PLXNA4: variants seen among roughly 807,000 people sequenced by gnomAD.
PLXNA4 encodes plexin-A4.
In PLXNA4, 44 loss-of-function variants were observed where a neutral mutation model predicts 191.8. The observed-to-expected ratio is 0.23, with a 90% CI of 0.18 to 0.29. The LOEUF is 0.29. PLXNA4 is among the 10% of genes least tolerant of loss of function. The probability of loss-of-function intolerance (pLI) is 1.00; values close to 1 mark genes in which losing one functional copy is unlikely to be tolerated. For missense variants in PLXNA4, 1,800 were observed against 2,488.8 expected, an observed-to-expected ratio of 0.72 and a Z score of 5.89; for synonymous variants, 1,082 against 1,009.5, an observed-to-expected ratio of 1.07 and a Z score of -1.36.
At chr7:132,152,816 T>C (rs1170400938) in intron 25 of PLXNA4, among the ~76,000 whole-genome samples, 1 of 152,128 alleles carries the variant, frequency 6.6e-6, no homozygotes, top group Non-Finnish European at 1.5e-5. Context: ...GCAGAGTGAC[T>C]CCTCACAAAC....
intron 3 of PLXNA4, among the ~76,000 whole-genome samples, chr7:132,472,473 A>G (rs1256591909): frequency 2.6e-5 from 4 of 152,226 alleles, no homozygotes; most frequent in Non-Finnish European, 5.9e-5. Flanking sequence ...GGGAGCTGAA[A>G]AGAGAGAGGT....
chr7:132,609,029 C>A (rs1302249559), intron 2 of PLXNA4, among the ~76,000 whole-genome samples: 1 of 152,150 alleles, frequency 6.6e-6, no homozygotes, highest in Non-Finnish European at 1.5e-5. Context: ...CCTACCCTGT[C>A]ACTACCTGCT....
chr7:132,228,383 T>C lies in PLXNA4; in HGVS notation c.1691A>G (p.His564Arg), dbSNP rs913413740. 5 of 1,614,036 alleles carry C rather than the reference T, an allele frequency of 3.1e-6. No individual in the cohort carries two copies. The highest frequency in any genetic ancestry group is 1.3e-5 in the African/African-American group (1 of 74,910). The change falls in exon 6 of 32, where the codon CAT becomes CGT. Residue 564 changes from histidine (H) to arginine (R), a missense_variant. Physicochemically the swap from His to Arg is conservative, Grantham distance 29 (BLOSUM62 0). Transcript: ENST00000321063. ...EMKQCVRLTVHPNNISVSQYN... is the reference protein window; with the variant it reads ...EMKQCVRLTVRPNNISVSQYN... ...CTGAGAGACGGAGATATTGTTGGGATGGACCGTCAGCCGGACACACTGCTT... is the reference window on the plus strand; with the variant it reads ...CTGAGAGACGGAGATATTGTTGGGACGGACCGTCAGCCGGACACACTGCTT...
rs552884032 is a variant in PLXNA4 at position 132,190,693 on chromosome 7, C to A, written c.2857-3086G>T. Among the ~76,000 whole-genome samples the A allele has an allele frequency of 2.0e-5, 3 of 152,320 alleles. No homozygotes were observed. The South Asian group carries it at 6.2e-4, about 32-fold the overall frequency. On this transcript the variant is annotated intron_variant, in intron 14 of 31. Transcript: ENST00000321063. ...TGGGGGCCTGGCTGCAAATGCAGAG[C>A]AGAGGCAGAGAGGCTTAAAGGAAGC...
chr7:132,444,788 G>C (rs1795833496), intron 3 of PLXNA4, among the ~76,000 whole-genome samples: 1 of 152,074 alleles, frequency 6.6e-6, no homozygotes, highest in Non-Finnish European at 1.5e-5. Context: ...GTCACCGTCA[G>C]TAGACCATGC....
chr7:132,507,694 G>C lies in PLXNA4; in HGVS notation c.1000C>G (p.Leu334Val). ...RTLGVHPDDD[L>V]LFTVFSKGQK... Reference sequence around the variant, plus strand: ...CCCTTGGAGAAGACGGTGAAGAGCAGGTCATCATCTGGATGGACTCCAAGG... The same window carrying C: ...CCCTTGGAGAAGACGGTGAAGAGCACGTCATCATCTGGATGGACTCCAAGG... Residue 334 changes from leucine (L) to valine (V), a missense_variant, in exon 2 of 32, where the codon CTG becomes GTG. By Grantham distance (32) the Leu-to-Val change is conservative (BLOSUM62 1). Coordinates refer to ENST00000321063, the MANE Select transcript of PLXNA4 (RefSeq NM_020911.2). 1.3e-5 allele frequency: 21 copies of C among 1,614,224 alleles called. No individual in the cohort carries two copies. Among genetic ancestry groups the C allele is most frequent in the Non-Finnish European group, 1.8e-5 (21 of 1,180,054 alleles).
At chr7:132,375,763 T>C (rs1804634753) in intron 3 of PLXNA4, among the ~76,000 whole-genome samples, 1 of 152,106 alleles carries the variant, frequency 6.6e-6, no homozygotes, top group African/African-American at 2.4e-5. Flanking sequence ...GAAGACACTG[T>C]AGGCAGAGCT....
chr7:132,242,554 T>C (rs903898796), intron 4 of PLXNA4, among the ~76,000 whole-genome samples: 1 of 152,100 alleles, frequency 6.6e-6, no homozygotes, highest in African/African-American at 2.4e-5. Context: ...TCTTATTCCC[T>C]TTATGCATCT....
rs933676605 is a variant in PLXNA4, at chr7:132,491,979, G to A, written c.1189-2505C>T. On this transcript the variant is annotated intron_variant, in intron 2 of 31. Transcript: ENST00000321063. The stretch of plus-strand genomic sequence containing the variant: ...GCCAGGCCTTCCAAGGGCAGCCTGG[G>A]GTGCTAGGGGTCCTCGTGGCCCTTG... 3.3e-5 allele frequency among the ~76,000 whole-genome samples: 5 copies of A among 152,300 alleles called. No homozygotes were observed. The South Asian group carries it at 8.3e-4, about 25-fold the overall frequency.
chr7:132,450,768 T>C (rs1038462833), intron 3 of PLXNA4, among the ~76,000 whole-genome samples: 1 of 152,176 alleles, frequency 6.6e-6, no homozygotes, highest in African/African-American at 2.4e-5. Context: ...TCAGCCCTCT[T>C]TCTCTCTGAG....
chr7:132,345,761 C>T lies in PLXNA4; in HGVS notation c.1372-47539G>A, dbSNP rs189726846. 1.5e-4 allele frequency among the ~76,000 whole-genome samples: 23 copies of T among 152,288 alleles called. 1 individual carries two copies. Among genetic ancestry groups the T allele is most frequent in the African/African-American group, 5.3e-4 (22 of 41,550 alleles). On this transcript the variant is annotated intron_variant, in intron 3 of 31. Transcript: ENST00000321063. ...CACTGGCAGAACAGTCCCAGCCTCA[C>T]GAAAGAGCCCAGCTGGACCATAAAT...
chr7:132,511,269 T>C (rs1316734399), intron 1 of PLXNA4, among the ~76,000 whole-genome samples: 4 of 152,090 alleles, frequency 2.6e-5, no homozygotes, highest in African/African-American at 9.7e-5. Flanking sequence ...CACTGTTCCC[T>C]GGGATCAGAA....
chr7:132,494,361 TG>T (rs1274493669), intron 2 of PLXNA4, among the ~76,000 whole-genome samples: 2 of 152,144 alleles, frequency 1.3e-5, no homozygotes, highest in African/African-American at 4.8e-5. Context: ...AAGTCTTGGG[TG>T]GGGGCTCAGA....
chr7:132,474,654 A>C (rs1026372835), intron 3 of PLXNA4, among the ~76,000 whole-genome samples: 1 of 152,150 alleles, frequency 6.6e-6, no homozygotes, highest in Non-Finnish European at 1.5e-5. Context: ...GCACGCACAC[A>C]CACACAATTA....
chr7:132,438,223 G>C (rs1795550706), intron 3 of PLXNA4, among the ~76,000 whole-genome samples: 1 of 152,216 alleles, frequency 6.6e-6, no homozygotes, highest in African/African-American at 2.4e-5. Flanking sequence ...ACCAGCTTTA[G>C]AGTATATGAC....
intron 11 of PLXNA4, 63 bp from the exon 12 acceptor site, chr7:132,202,899 CAG>C: frequency 7.0e-7 from 1 of 1,422,676 alleles, no homozygotes; most frequent in Non-Finnish European, 9.3e-7. Flanking sequence ...AGAAGGGGCC[CAG>C]AGAGAGACAA....
intron 1 of PLXNA4, among the ~76,000 whole-genome samples, chr7:132,524,538 T>A (rs1799321834): frequency 6.6e-6 from 1 of 152,164 alleles, no homozygotes; most frequent in South Asian, 2.1e-4. Context: ...CTGAAGGAAA[T>A]TAGGCTGAAA....
At chr7:132,198,344 T>A in intron 13 of PLXNA4, 141 bp downstream of exon 13, 2 of 1,227,744 alleles carry the variant, frequency 1.6e-6, no homozygotes, top group Non-Finnish European at 2.2e-6. Context: ...GAGTCCACCC[T>A]CCAACTCTAA....
chr7:132,216,890 A>G (rs1797979399), intron 9 of PLXNA4, among the ~76,000 whole-genome samples: 1 of 152,186 alleles, frequency 6.6e-6, no homozygotes. Flanking sequence ...TCTCTGAACT[A>G]TGATTTGAAA....
Sources: allele counts gnomAD v4.1 joint callset (sites outside exome capture counted in the v4.1 genomes callset), GRCh38; gene constraint gnomAD v4.1.1; transcripts MANE v1.5; gene names NCBI Gene and HGNC (gene_info 2026-07-23, HGNC 2026-07-21).